ERI1: variants seen among roughly 807,000 people sequenced by gnomAD.
The protein encoded by ERI1 is exoribonuclease 1, also known as 3'-5' exoribonuclease 1.
Under a neutral mutation model 39.7 loss-of-function variants are expected in ERI1, and 39 were observed. The ratio of observed to expected loss-of-function variants is 0.98; its 90% confidence interval spans 0.76 to 1.28. The LOEUF (loss-of-function observed/expected upper bound fraction) is 1.28, where lower values mean the gene tolerates loss of function less well. ERI1 is among the 50% of genes most tolerant of loss of function. The probability of loss-of-function intolerance (pLI) is 0.00; values close to 1 mark genes in which losing one functional copy is unlikely to be tolerated. For synonymous variants in ERI1, 204 were observed against 149.6 expected, an observed-to-expected ratio of 1.36 and a Z score of -2.65; for missense variants, 581 against 416.9, an observed-to-expected ratio of 1.39 and a Z score of -3.43.
At chr8:9,017,863 C>A (rs140249686) in intron 4 of ERI1, among the ~76,000 whole-genome samples, 1 of 152,100 alleles carries the variant, frequency 6.6e-6, no homozygotes, top group Non-Finnish European at 1.5e-5. Flanking sequence ...ATAGGGCGGA[C>A]CCGATTTACG....
At chr8:9,008,268 C>T (rs189981945) in intron 2 of ERI1, 120 bp downstream of exon 2, 1 of 896,840 alleles carries the variant, frequency 1.1e-6, no homozygotes, top group East Asian at 2.9e-5. Context: ...ATCCTATTAA[C>T]AGTTCACAAA....
intron 3 of ERI1, among the ~76,000 whole-genome samples, chr8:9,046,404 C>T (rs1798175784): frequency 6.6e-6 from 1 of 152,204 alleles, no homozygotes; most frequent in Non-Finnish European, 1.5e-5. Flanking sequence ...CCTGAGACCT[C>T]TGCAGTTCCT....
intron 3 of ERI1, among the ~76,000 whole-genome samples, chr8:9,064,010 C>T (rs1230622649): frequency 2.6e-5 from 4 of 151,582 alleles, no homozygotes; most frequent in Admixed American, 2.6e-4. Flanking sequence ...GGTTCTTACC[C>T]TCCAGAAAAG....
At position 9,011,761 on chromosome 8, in the gene ERI1, AT is replaced by A. The variant is rs1230672142; in HGVS notation, c.498+14del. The stretch of plus-strand genomic sequence containing the variant: ...CGCATACTTTAGAAATAGTAAGTGA[AT>A]TTTTGTATTTTAATTGTATTTCTAG... On this transcript the variant is annotated intron_variant, in intron 3 of 6. Transcript: ENST00000250263. 6 of 1,573,396 alleles carry A rather than the reference AT, an allele frequency of 3.8e-6. 1 individual carries two copies. The highest frequency in any genetic ancestry group is 5.2e-6 in the Non-Finnish European group (6 of 1,151,142).
intron 1 of ERI1, among the ~76,000 whole-genome samples, 172 bp from the exon 2 acceptor site, chr8:9,007,798 T>A (rs754082003): frequency 6.6e-6 from 1 of 152,206 alleles, no homozygotes; most frequent in Non-Finnish European, 1.5e-5. Context: ...TGGAGACGCA[T>A]CTTCCTTCTT....
At position 9,029,756 on chromosome 8, in the gene ERI1, A is replaced by C. The variant is rs745883322; in HGVS notation, c.808-36A>C. On this transcript the variant is annotated intron_variant, in intron 6 of 6. Transcript: ENST00000250263. Reference sequence around the variant, plus strand: ...TGTGGCTTATATTACAGTTTAGAACACCAAAGAATTATTTACTAAGCTGTT... The same window carrying C: ...TGTGGCTTATATTACAGTTTAGAACCCCAAAGAATTATTTACTAAGCTGTT... 4 of 1,612,026 alleles carry C rather than the reference A, an allele frequency of 2.5e-6. No homozygotes were observed. The African/African-American group carries it at 5.3e-5, about 22-fold the overall frequency.
At chr8:9,058,960 C>A (rs1443666231) in intron 3 of ERI1, among the ~76,000 whole-genome samples, 1 of 152,048 alleles carries the variant, frequency 6.6e-6, no homozygotes, top group Non-Finnish European at 1.5e-5. Flanking sequence ...TTTGTGTGAG[C>A]AATAAGGCTG....
rs1468279678 is a variant in ERI1 at position 9,064,660 on chromosome 8, G to C, written n.299+44196G>C. On this transcript the variant is annotated intron_variant and non_coding_transcript_variant, in intron 3 of 3. Coordinates refer to the ERI1 transcript ENST00000518663. ...AGGCTGCTTACCCAATTTAAAATTG[G>C]TGAGTTGTTCCTTGGGCTGGTGGGT... Among the ~76,000 whole-genome samples the C allele has an allele frequency of 2.0e-5, 3 of 152,328 alleles. No individual in the cohort carries two copies. In the South Asian group the frequency reaches 6.2e-4, roughly 32 times the overall value.
chr8:9,097,844 T>TA (rs1376593750), intron 3 of ERI1, among the ~76,000 whole-genome samples: 8 of 150,930 alleles, frequency 5.3e-5, no homozygotes, highest in East Asian at 1.9e-4. Flanking sequence ...TTTTGTTAAT[T>TA]AAAAAAAAAT....
intron 3 of ERI1, among the ~76,000 whole-genome samples, chr8:9,089,823 A>C (rs1799648620): frequency 6.6e-6 from 1 of 152,208 alleles, no homozygotes. Flanking sequence ...CAGTGAAGAA[A>C]TGAAAGGTGT....
At chr8:9,026,277 T>G (rs1232377245) in intron 6 of ERI1, among the ~76,000 whole-genome samples, 6 of 152,210 alleles carry the variant, frequency 3.9e-5, no homozygotes, top group African/African-American at 1.4e-4. Flanking sequence ...CAATCATTTT[T>G]AAGTGCACAA....
chr8:9,079,878 C>T (rs1433071594), intron 3 of ERI1, among the ~76,000 whole-genome samples: 2 of 151,852 alleles, frequency 1.3e-5, no homozygotes, highest in Non-Finnish European at 2.9e-5. Flanking sequence ...GCCATGTTGC[C>T]CAGGCTGGTC....
chr8:9,067,545 C>G (rs966528490), intron 3 of ERI1, among the ~76,000 whole-genome samples: 5 of 151,372 alleles, frequency 3.3e-5, no homozygotes, highest in Admixed American at 2.0e-4. Context: ...GTCCTAGCTA[C>G]TTAGGAGACT....
chr8:9,094,929 G>T (rs903556460), intron 3 of ERI1, among the ~76,000 whole-genome samples: 1 of 151,926 alleles, frequency 6.6e-6, no homozygotes, highest in Non-Finnish European at 1.5e-5. Context: ...TCCTGAAATG[G>T]GTGGTAGGAA....
chr8:9,038,528 G>A (rs573300773), intron 3 of ERI1, among the ~76,000 whole-genome samples: 16 of 152,346 alleles, frequency 1.1e-4, no homozygotes, highest in African/African-American at 3.8e-4. Flanking sequence ...GGGAGGCTGA[G>A]GTGGGTGGAT....
At chr8:9,072,258 A>G (rs1799076779) in intron 3 of ERI1, among the ~76,000 whole-genome samples, 1 of 152,072 alleles carries the variant, frequency 6.6e-6, no homozygotes, top group South Asian at 2.1e-4. Flanking sequence ...TTGTTTTCAT[A>G]CCACATTGAC....
At position 9,076,329 on chromosome 8, in the gene ERI1, G is replaced by T. The variant is rs571902164; in HGVS notation, n.300-40019G>T. ...CTAAAACTACGGTACAGAAGAGAGG[G>T]TATAAATTACAGGACTGGCATCCAT... On this transcript the variant is annotated intron_variant and non_coding_transcript_variant, in intron 3 of 3. Coordinates refer to the ERI1 transcript ENST00000518663. 2.6e-5 allele frequency among the ~76,000 whole-genome samples: 4 copies of T among 152,288 alleles called. No homozygotes were observed. The East Asian group carries it at 7.7e-4, about 29-fold the overall frequency.
intron 3 of ERI1, among the ~76,000 whole-genome samples, chr8:9,086,742 C>T (rs1799540814): frequency 6.6e-6 from 1 of 151,938 alleles, no homozygotes. Flanking sequence ...CTGTGATAAA[C>T]ACACATTATA....
At chr8:9,036,489 T>C (rs144213444), downstream of ERI1, among the ~76,000 whole-genome samples, 186 of 152,344 alleles carry the variant, frequency 1.2e-3, no homozygotes, top group Admixed American at 4.5e-3. Context: ...GGTATATATG[T>C]ATTTTTTAGA....
Sources: gnomAD v4.1 joint callset for allele counts (sites outside exome capture counted in the v4.1 genomes callset) on GRCh38, gnomAD v4.1.1 for gene constraint, MANE v1.5 for transcripts, NCBI Gene and HGNC (gene_info 2026-07-23, HGNC 2026-07-21) for gene names.